The following LRRN1 variants were observed in gnomAD, a reference collection of about 807,000 sequenced individuals.
The protein encoded by LRRN1 is leucine rich repeat neuronal 1, also known as leucine-rich repeat neuronal protein 1.
Under a neutral mutation model 45.8 loss-of-function variants are expected in LRRN1, and 14 were observed. That is an observed-to-expected ratio of 0.31 (90% CI 0.20 to 0.48). The LOEUF (loss-of-function observed/expected upper bound fraction) is 0.48. Ranked by LOEUF, LRRN1 falls within the 20% of genes least tolerant of loss-of-function variation. The pLI, the probability that LRRN1 is intolerant of heterozygous loss-of-function variation, is 0.99. For synonymous variants in LRRN1, 359 were observed against 330.1 expected (o/e 1.09, Z -0.95); for missense variants, 789 against 874.2 (o/e 0.90, Z 1.23).
At chr3:3,827,388 G>A in intron 1 of LRRN1, 1 of 455,478 alleles carries the variant, frequency 2.2e-6, no homozygotes, top group Non-Finnish European at 4.4e-6. Flanking sequence ...AGGCAGAGTG[G>A]CCTTCAGGGA....
At chr3:3,813,389 T>G (rs1369091238) in intron 1 of LRRN1, among the ~76,000 whole-genome samples, 1 of 152,232 alleles carries the variant, frequency 6.6e-6, no homozygotes, top group Non-Finnish European at 1.5e-5. Context: ...TTTAGTTCCA[T>G]CTTTGTATTG....
At chr3:3,829,415 T>A (rs1360665994) in intron 1 of LRRN1, among the ~76,000 whole-genome samples, 1 of 152,160 alleles carries the variant, frequency 6.6e-6, no homozygotes, top group Non-Finnish European at 1.5e-5. Flanking sequence ...AAAATTTTGC[T>A]AGTGGATCAC....
At chr3:3,800,800 T>G (rs1692634161) in intron 1 of LRRN1, 1 of 152,734 alleles carries the variant, frequency 6.5e-6, no homozygotes, top group South Asian at 2.1e-4. Context: ...CCAGGTGGCC[T>G]GGAATGTGAG....
At chr3:3,818,970 TA>T (rs1448439391) in intron 1 of LRRN1, among the ~76,000 whole-genome samples, 1 of 151,814 alleles carries the variant, frequency 6.6e-6, no homozygotes, top group Non-Finnish European at 1.5e-5. Context: ...AGATGGCAGT[TA>T]ATACACATAT....
Position 3,834,539 on chromosome 3 carries a change from TATATATATATATATG to T in LRRN1, c.-278-9814_-278-9800del, listed in dbSNP as rs1256298384. 2.0e-4 allele frequency among the ~76,000 whole-genome samples: 23 copies of T among 113,194 alleles called. 3 individuals are homozygous for T. Among genetic ancestry groups the T allele is most frequent in the Non-Finnish European group, 4.1e-4 (22 of 54,172 alleles). 74.3% of individuals were successfully genotyped at this position (113,194 alleles called of 152,430 possible). A position where few individuals can be genotyped will look rare whatever the true frequency, so the allele number is the denominator to read the frequency against. On this transcript the variant is annotated intron_variant, in intron 1 of 1. Coordinates refer to ENST00000319331, the MANE Select transcript of LRRN1 (RefSeq NM_020873.7). Reference sequence around the variant, plus strand: ...GGACAGAACAGGATATATATATATATATATATATATATATGATATATATATTATTATACATATTAT... The same window carrying T: ...GGACAGAACAGGATATATATATATATATATATATATTATTATACATATTAT...
In LRRN1 at chr3:3,824,885, C is replaced by T. The variant is rs149383184; in HGVS notation, c.-278-19479C>T. Among the ~76,000 whole-genome samples the T allele has an allele frequency of 5.6e-3, 847 of 152,252 alleles. 9 individuals are homozygous for T. Among genetic ancestry groups the T allele is most frequent in the African/African-American group, 0.02 (817 of 41,554 alleles). The stretch of plus-strand genomic sequence containing the variant: ...TGTGACCTCACCTCTCTGAGGTGTC[C>T]TCTGCAAAATGAGAGGTTATTGTAG... On this transcript the variant is annotated intron_variant, in intron 1 of 1. Coordinates refer to ENST00000319331, the MANE Select transcript of LRRN1 (RefSeq NM_020873.7).
chr3:3,802,395 CG>C (rs1383356236), intron 1 of LRRN1, among the ~76,000 whole-genome samples: 2 of 152,074 alleles, frequency 1.3e-5, no homozygotes, highest in Non-Finnish European at 2.9e-5. Flanking sequence ...AACCTATTCA[CG>C]GAACAGCATT....
chr3:3,822,745 A>G (rs1406540610), intron 1 of LRRN1: 4 of 152,178 alleles, frequency 2.6e-5, no homozygotes, highest in African/African-American at 9.7e-5. Context: ...TTCAAAAATG[A>G]CATGGCCTTT....
intron 1 of LRRN1, among the ~76,000 whole-genome samples, chr3:3,833,489 C>T (rs1693414170): frequency 6.6e-6 from 1 of 152,198 alleles, no homozygotes. Context: ...TATCCATTCC[C>T]AAACCTGTTC....
chr3:3,847,591 ATAAAT>A lies in LRRN1; in HGVS notation c.*802_*806del, dbSNP rs1693805931. 6.0e-6 allele frequency: 1 copy of A among 167,052 alleles called. No homozygotes were observed. The highest frequency in any genetic ancestry group is 2.1e-4 in the South Asian group (1 of 4,834). 10.3% of individuals were successfully genotyped at this position (167,052 alleles called of 1,614,324 possible). ...GGTGTATAATGAAGACAGAACTATA[ATAAAT>A]TAGTTTTGTTCTGATTTTTTAGAAC... On this transcript the variant is annotated 3_prime_UTR_variant, in exon 2 of 2. Coordinates refer to ENST00000319331, the MANE Select transcript of LRRN1 (RefSeq NM_020873.7).
intron 1 of LRRN1, among the ~76,000 whole-genome samples, chr3:3,824,270 A>C (rs1037643762): frequency 6.6e-6 from 1 of 152,186 alleles, no homozygotes; most frequent in Non-Finnish European, 1.5e-5. Context: ...AGTTACATTC[A>C]TATTATTCAT....
chr3:3,844,695 A>G lies in LRRN1; in HGVS notation c.54A>G (p.Leu18=). Reference sequence around the variant, plus strand: ...CTTGCCAATTGGTGCTGGGCCTACTAATGACTTCATTAACCGAGTCTTCCA... The same window carrying G: ...CTTGCCAATTGGTGCTGGGCCTACTGATGACTTCATTAACCGAGTCTTCCA... ...IAACQLVLGL[L]MTSLTESSIQ... is the part of the protein sequence containing the mutation. Residue 18 remains leucine (L), a synonymous_variant, in exon 2 of 2, where the codon CTA becomes CTG. Transcript: ENST00000319331. The G allele has an allele frequency of 6.2e-7, 1 of 1,614,092 alleles. No individual in the cohort carries two copies. Among genetic ancestry groups the G allele is most frequent in the Non-Finnish European group, 8.5e-7 (1 of 1,179,978 alleles).
intron 1 of LRRN1, among the ~76,000 whole-genome samples, chr3:3,804,360 T>C (rs1224772337): frequency 6.6e-6 from 1 of 152,182 alleles, no homozygotes; most frequent in Non-Finnish European, 1.5e-5. Flanking sequence ...AGTACCACAA[T>C]TAACATCAAC....
At chr3:3,805,708 T>C (rs1230390698) in intron 1 of LRRN1, among the ~76,000 whole-genome samples, 1 of 152,234 alleles carries the variant, frequency 6.6e-6, no homozygotes, top group Non-Finnish European at 1.5e-5. Context: ...TGTTGTTCTT[T>C]TTAAAATTTT....
At chr3:3,824,160 C>G (rs1693167255) in intron 1 of LRRN1, among the ~76,000 whole-genome samples, 2 of 152,298 alleles carry the variant, frequency 1.3e-5, no homozygotes, top group Admixed American at 1.3e-4. Context: ...GAGTTGACAT[C>G]ATTGTAAAGA....
intron 1 of LRRN1, among the ~76,000 whole-genome samples, chr3:3,803,472 T>G (rs1692696757): frequency 6.6e-6 from 1 of 152,208 alleles, no homozygotes; most frequent in African/African-American, 2.4e-5. Context: ...GAATGATTCA[T>G]TTCAGCACTA....
chr3:3,806,845 C>T (rs1030410182), intron 1 of LRRN1, among the ~76,000 whole-genome samples: 1 of 152,174 alleles, frequency 6.6e-6, no homozygotes, highest in Non-Finnish European at 1.5e-5. Flanking sequence ...ACAAGTCACT[C>T]GATGAAGTTT....
At chr3:3,811,733 A>G (rs1336903622) in intron 1 of LRRN1, among the ~76,000 whole-genome samples, 1 of 152,234 alleles carries the variant, frequency 6.6e-6, no homozygotes, top group Non-Finnish European at 1.5e-5. Flanking sequence ...CATGTCGAAT[A>G]TCAAGTGCTA....
In LRRN1 at chr3:3,846,934, AT is replaced by A; in HGVS notation, c.*149del. The A allele has an allele frequency of 8.9e-6, 6 of 671,068 alleles. No individual in the cohort carries two copies. The highest frequency in any genetic ancestry group is 1.5e-5 in the Non-Finnish European group (6 of 404,510). The allele number at this position is 671,068 out of a possible 1,614,324, so 41.6% of individuals were successfully genotyped here. A position where few individuals can be genotyped will look rare whatever the true frequency, so the allele number is the denominator to read the frequency against. On this transcript the variant is annotated 3_prime_UTR_variant, in exon 2 of 2. Coordinates refer to ENST00000319331, the MANE Select transcript of LRRN1 (RefSeq NM_020873.7). This position sits in a 1 kb window ranked among gnomAD's most constrained non-coding sequence, Gnocchi z 5.7. The stretch of plus-strand genomic sequence containing the variant: ...TGGAGAGGACGGGTGGATATTTCAA[AT>A]TTTTTTAGTATAGCGTATCGCAAGG...
Sources: gnomAD v4.1 joint callset for allele counts (sites outside exome capture counted in the v4.1 genomes callset) on GRCh38, gnomAD v4.1.1 for gene constraint, Gnocchi (gnomAD v3.1) non-coding constraint, MANE v1.5 for transcripts, NCBI Gene and HGNC (gene_info 2026-07-23, HGNC 2026-07-21) for gene names.